Variants in UBN2 observed in about 807,000 individuals in gnomAD.
UBN2 encodes the protein ubinuclein-2.
Under a neutral mutation model 120.2 loss-of-function variants are expected in UBN2, and 35 were observed. The observed-to-expected ratio is 0.29, with a 90% confidence interval of 0.22 to 0.39. The LOEUF is 0.39. Ranked by LOEUF, UBN2 falls within the 10% of genes least tolerant of loss-of-function variation. The pLI, the probability that UBN2 is intolerant of heterozygous loss-of-function variation, is 1.00. For missense variants in UBN2, 1,693 were observed against 1,663.2 expected (o/e 1.02, Z -0.31); for synonymous variants, 661 against 648.7 (o/e 1.02, Z -0.29).
At chr7:139,323,175 C>A in the UBN2 span, among the ~76,000 whole-genome samples, 1 of 152,006 alleles carries the variant, frequency 6.6e-6, no homozygotes, top group Non-Finnish European at 1.5e-5. Context: ...AATTGTTGGC[C>A]GGGTGCAGTG....
rs533095308 is a variant in UBN2 at position 139,272,673 on chromosome 7, C to T, written c.1715+233C>T. Among the ~76,000 whole-genome samples, 12 of 152,186 alleles carry T rather than the reference C, an allele frequency of 7.9e-5. No individual in the cohort carries two copies. The South Asian group carries it at 8.3e-4, about 11-fold the overall frequency. On this transcript the variant is annotated intron_variant, in intron 9 of 17. Coordinates refer to ENST00000473989, the MANE Select transcript of UBN2 (RefSeq NM_173569.4). ...TCACAAGTAGCTGGGATTACAGACA[C>T]GTGCCACCACACCAGGCTAATTTTT...
At chr7:139,258,765 T>A in intron 4 of UBN2, 140 bp downstream of exon 4, 2 of 693,026 alleles carry the variant, frequency 2.9e-6, no homozygotes, top group Non-Finnish European at 4.1e-6. Context: ...TTACATGCTT[T>A]AAAATTAAAT....
chr7:139,283,994 C>T lies in UBN2; in HGVS notation c.3089C>T (p.Pro1030Leu). The change falls in exon 15 of 18, where the codon CCC becomes CTC. Residue 1030 changes from proline (P) to leucine (L), a missense_variant. By Grantham distance (98) the Pro-to-Leu change is moderately conservative. Around this residue, in one of 5 missense-constraint regions of UBN2, gnomAD observed 837 missense variants for 817.6 expected, o/e 1.02. Transcript: ENST00000473989. ...SQISTQGFKS[P>L]FSMAASPKLA... ...ATCTCCACGCAGGGTTTCAAATCTC[C>T]CTTCTCGATGGCTGCCTCCCCAAAA... 1 of 1,614,152 alleles carries T rather than the reference C, an allele frequency of 6.2e-7. No individual in the cohort carries two copies. The highest frequency in any genetic ancestry group is 1.1e-5 in the South Asian group (1 of 91,072).
intron 3 of UBN2, among the ~76,000 whole-genome samples, chr7:139,257,414 TTC>T (rs898320789): frequency 3.9e-5 from 6 of 152,232 alleles, no homozygotes; most frequent in African/African-American, 1.4e-4. Context: ...TTCTTTCTTT[TTC>T]TCTTTCTTTT....
At chr7:139,268,730 G>A (rs778290822) in intron 7 of UBN2, among the ~76,000 whole-genome samples, 3 of 152,176 alleles carry the variant, frequency 2.0e-5, no homozygotes, top group Non-Finnish European at 4.4e-5. Flanking sequence ...CCAGTGGGCC[G>A]AGGGGTAGTA....
chr7:139,278,115 A>G (rs1797497893), intron 12 of UBN2, among the ~76,000 whole-genome samples: 1 of 152,114 alleles, frequency 6.6e-6, no homozygotes, highest in Non-Finnish European at 1.5e-5. Context: ...ATTCAGGTAC[A>G]AATAATGCAT....
At chr7:139,280,473 T>C (rs1205641617) in intron 13 of UBN2, among the ~76,000 whole-genome samples, 1 of 152,212 alleles carries the variant, frequency 6.6e-6, no homozygotes, top group East Asian at 1.9e-4. Context: ...TTTTACACTT[T>C]GCTCCATAGC....
At chr7:139,257,889 G>C (rs1796808692) in intron 3 of UBN2, among the ~76,000 whole-genome samples, 1 of 152,104 alleles carries the variant, frequency 6.6e-6, no homozygotes, top group African/African-American at 2.4e-5. Flanking sequence ...GGGTTCAAGG[G>C]ATTCTCCTGT....
chr7:139,271,584 CAAAAA>C (rs1367288138), intron 8 of UBN2, among the ~76,000 whole-genome samples: 1 of 85,326 alleles, frequency 1.2e-5, no homozygotes, highest in South Asian at 3.3e-4. Context: ...ACTCTGTCTC[CAAAAA>C]AAAAAAAAAA....
At chr7:139,240,450 A>ATTTT (rs1435920419) in intron 2 of UBN2, among the ~76,000 whole-genome samples, 4 of 37,366 alleles carry the variant, frequency 1.1e-4, no homozygotes, top group South Asian at 1.7e-3. Flanking sequence ...ATATATATAT[A>ATTTT]TATATTTTTT....
At chr7:139,323,646 G>T in the UBN2 span, among the ~76,000 whole-genome samples, 18 of 150,844 alleles carry the variant, frequency 1.2e-4, 1 homozygote, top group Non-Finnish European at 1.9e-4. Context: ...CTGGAGTTCA[G>T]TGGCGCGATC....
intron 2 of UBN2, among the ~76,000 whole-genome samples, chr7:139,238,951 C>T (rs1454295973): frequency 5.3e-5 from 8 of 152,304 alleles, no homozygotes; most frequent in African/African-American, 1.9e-4. Flanking sequence ...AAAATCCTAG[C>T]ATGTATAAAT....
intron 2 of UBN2, among the ~76,000 whole-genome samples, chr7:139,246,367 C>CA (rs1001677141): frequency 6.6e-6 from 1 of 151,414 alleles, no homozygotes; most frequent in African/African-American, 2.4e-5. Context: ...GACTCCGTCT[C>CA]AAAAAAAATT....
intron 2 of UBN2, among the ~76,000 whole-genome samples, chr7:139,238,393 T>G (rs1404704931): frequency 1.3e-5 from 2 of 152,178 alleles, no homozygotes; most frequent in African/African-American, 4.8e-5. Flanking sequence ...TGTGTCCTTT[T>G]GGTGAGGTTT....
the UBN2 span, among the ~76,000 whole-genome samples, chr7:139,320,185 G>C: frequency 6.6e-6 from 1 of 151,912 alleles, no homozygotes; most frequent in Non-Finnish European, 1.5e-5. Context: ...ATTCTGACCA[G>C]ACGTGATGGC....
the UBN2 span, among the ~76,000 whole-genome samples, chr7:139,322,850 A>G: frequency 0.037 from 5,667 of 152,064 alleles, 153 homozygotes; most frequent in African/African-American, 0.065. Context: ...ACTTTTTTAA[A>G]AAACCAAAGA....
rs1798183468 is a variant in UBN2, at chr7:139,298,834, T to A, written c.*998T>A. 1 of 152,114 alleles carries A rather than the reference T, an allele frequency of 6.6e-6. No homozygotes were observed. Among genetic ancestry groups the A allele is most frequent in the Non-Finnish European group, 1.5e-5 (1 of 68,002 alleles). The allele number at this position is 152,114 out of a possible 1,614,324, so 9.4% of individuals were successfully genotyped here. ...TTCTTTTAGCTAGTGGTCCTTCAGG[T>A]GATTATTAGCTATTGGTATAAACAG... On this transcript the variant is annotated 3_prime_UTR_variant, in exon 18 of 18. Transcript: ENST00000473989.
rs1162737829 is a variant in UBN2, at chr7:139,231,557, C to T, written c.73C>T (p.Pro25Ser). The T allele has an allele frequency of 4.9e-6, 7 of 1,417,838 alleles. No individual in the cohort carries two copies. The highest frequency in any genetic ancestry group is 1.5e-5 in the African/African-American group (1 of 67,924). 87.8% of individuals were successfully genotyped at this position (1,417,838 alleles called of 1,614,324 possible). ...VRRREAEYPG[P>S]EREPEYPREP... is the part of the protein sequence containing the mutation. ...GCGGCGCGAGGCCGAGTACCCGGGG[C>T]CCGAGCGTGAGCCCGAGTACCCCCG... The change falls in exon 1 of 18, where the codon CCC becomes TCC. Residue 25 changes from proline to serine, a missense_variant. By Grantham distance (74) the Pro-to-Ser change is moderately conservative. This residue lies in a region of UBN2 where 663 missense variants were observed against 591.2 expected (regional missense o/e 1.12). Transcript: ENST00000473989.
chr7:139,296,665 T>C (rs1459315354), intron 17 of UBN2, among the ~76,000 whole-genome samples: 3 of 152,250 alleles, frequency 2.0e-5, no homozygotes, highest in Non-Finnish European at 2.9e-5. Flanking sequence ...GTAGGTAATT[T>C]AGTTGAGGCT....
Sources: allele counts gnomAD v4.1 joint callset (sites outside exome capture counted in the v4.1 genomes callset), GRCh38; gene constraint gnomAD v4.1.1; regional missense constraint gnomAD v4.1.1; transcripts MANE v1.5; gene names NCBI Gene and HGNC (gene_info 2026-07-23, HGNC 2026-07-21).